The following AKAP9 variants were observed in gnomAD, a reference collection of about 807,000 sequenced individuals.
AKAP9 encodes the protein A-kinase anchoring protein 9, also known as A-kinase anchor protein 9.
A neutral mutation model predicts 488.5 loss-of-function variants in AKAP9; 311 were observed. That is an observed-to-expected ratio of 0.64 (90% confidence interval 0.58 to 0.70). AKAP9 has a LOEUF of 0.70. AKAP9 is among the 30% of genes least tolerant of loss of function. The probability of loss-of-function intolerance (pLI) is 0.00; values close to 1 mark genes in which losing one functional copy is unlikely to be tolerated. For synonymous variants in AKAP9, 1,462 were observed against 1,483.5 expected (o/e 0.99, Z 0.33); for missense variants, 4,215 against 4,374.5 (o/e 0.96, Z 1.03).
intron 40 of AKAP9, 119 bp downstream of exon 40, chr7:92,095,292 T>C: frequency 8.9e-7 from 1 of 1,118,498 alleles, no homozygotes; most frequent in African/African-American, 1.6e-5. Flanking sequence ...GGTAAGTTGT[T>C]CACTGTGCAT....
chr7:92,012,584 C>A lies in AKAP9; in HGVS notation c.3474C>A (p.Ile1158=). ...TTATTTTTGCTCAAGAGGAAAAGATCAAGGAACTTCAGAAAATACACCAGT... is the reference window on the plus strand; with the variant it reads ...TTATTTTTGCTCAAGAGGAAAAGATAAAGGAACTTCAGAAAATACACCAGT... The part of the protein sequence containing the change: ...EELIFAQEEK[I]KELQKIHQLE... Residue 1158 remains isoleucine, a synonymous_variant, in exon 9 of 50, where the codon ATC becomes ATA. Coordinates refer to ENST00000356239, the MANE Select transcript of AKAP9 (RefSeq NM_005751.5). 6.2e-7 allele frequency: 1 copy of A among 1,613,514 alleles called. No homozygotes were observed. The highest frequency in any genetic ancestry group is 1.1e-5 in the South Asian group (1 of 90,980).
rs372644409 is a variant in AKAP9 at position 92,069,733 on chromosome 7, GAC to G, written c.6331-296_6331-295del. 1.8e-4 allele frequency among the ~76,000 whole-genome samples: 27 copies of G among 152,206 alleles called. No homozygotes were observed. The East Asian group carries it at 5.0e-3, about 28-fold the overall frequency. ...CAGTGCTTAAAAAGTTTCAGATTTT[GAC>G]CTGGGCTTGTTGGTGTGCATCTGTA... On this transcript the variant is annotated intron_variant, in intron 26 of 49. Transcript: ENST00000356239.
chr7:91,971,183 C>T (rs1795028023), intron 1 of AKAP9, among the ~76,000 whole-genome samples: 2 of 151,954 alleles, frequency 1.3e-5, no homozygotes, highest in Admixed American at 6.5e-5. Context: ...TTCATTCTTT[C>T]CTTTTCTCCT....
intron 21 of AKAP9, 138 bp downstream of exon 21, chr7:92,045,351 G>T (rs1806792212): frequency 1.2e-6 from 1 of 807,054 alleles, no homozygotes; most frequent in South Asian, 1.5e-5. Flanking sequence ...ATACATTAGA[G>T]CAACTCTTTT....
At chr7:92,026,657 T>G (rs1803206835) in intron 14 of AKAP9, among the ~76,000 whole-genome samples, 1 of 152,080 alleles carries the variant, frequency 6.6e-6, no homozygotes. Flanking sequence ...CAGGCTGGAG[T>G]GCGTGGCGTG....
In AKAP9 at chr7:92,108,485, A is replaced by G; in HGVS notation, c.11547-9A>G. The G allele has an allele frequency of 6.2e-7, 1 of 1,613,764 alleles. No individual in the cohort carries two copies. ...AACTTGATTCATGTACATATTTTTAATCCTTTAGGTACCCAGGCACTCCAG... is the reference window on the plus strand; with the variant it reads ...AACTTGATTCATGTACATATTTTTAGTCCTTTAGGTACCCAGGCACTCCAG... On this transcript the variant is annotated splice_polypyrimidine_tract_variant and intron_variant, in intron 48 of 49. Coordinates refer to ENST00000356239, the MANE Select transcript of AKAP9 (RefSeq NM_005751.5).
intron 1 of AKAP9, among the ~76,000 whole-genome samples, chr7:91,959,326 G>A (rs1793434032): frequency 6.6e-6 from 1 of 151,894 alleles, no homozygotes. Flanking sequence ...ATCTCACTCT[G>A]TTGCCCAGGC....
At chr7:91,954,823 A>G (rs1211558744) in intron 1 of AKAP9, among the ~76,000 whole-genome samples, 4 of 152,202 alleles carry the variant, frequency 2.6e-5, no homozygotes, top group Non-Finnish European at 4.4e-5. Flanking sequence ...ACCCACTAAC[A>G]TAGCCACTTT....
chr7:92,085,870 G>C (rs1010374109), intron 36 of AKAP9, among the ~76,000 whole-genome samples, 184 bp downstream of exon 36: 2 of 152,020 alleles, frequency 1.3e-5, no homozygotes, highest in Non-Finnish European at 2.9e-5. Context: ...TTGGGAGGCC[G>C]AGGTGGGTGG....
chr7:92,047,148 C>A (rs1297906445), intron 21 of AKAP9, among the ~76,000 whole-genome samples: 1 of 152,160 alleles, frequency 6.6e-6, no homozygotes, highest in Non-Finnish European at 1.5e-5. Context: ...TATTTTCTTG[C>A]ATAAGTGTAT....
intron 6 of AKAP9, among the ~76,000 whole-genome samples, chr7:91,995,356 A>G (rs1798259850): frequency 6.6e-6 from 1 of 152,188 alleles, no homozygotes; most frequent in Admixed American, 6.5e-5. Context: ...ACTGTCTTTG[A>G]TGCCCCACTT....
At chr7:92,052,575 A>G (rs1808166325) in intron 21 of AKAP9, 151 bp from the exon 22 acceptor site, 1 of 572,658 alleles carries the variant, frequency 1.7e-6, no homozygotes, top group East Asian at 3.0e-5. Flanking sequence ...ATTATATCCT[A>G]TATTTGCATA....
intron 1 of AKAP9, among the ~76,000 whole-genome samples, chr7:91,950,329 A>G (rs1562883558): frequency 1.3e-5 from 2 of 148,728 alleles, no homozygotes; most frequent in South Asian, 2.1e-4. Flanking sequence ...TCCCGGGTTC[A>G]CGCCATTCTC....
chr7:91,946,555 G>A (rs1043604819), intron 1 of AKAP9, among the ~76,000 whole-genome samples: 6 of 152,014 alleles, frequency 3.9e-5, no homozygotes, highest in African/African-American at 1.4e-4. Flanking sequence ...AAATTTTTTT[G>A]TAGAGATGGG....
intron 10 of AKAP9, 111 bp from the exon 11 acceptor site, chr7:92,016,018 T>C (rs1801464342): frequency 2.5e-6 from 2 of 815,380 alleles, no homozygotes; most frequent in East Asian, 5.3e-5. Context: ...TTTTCTTAAT[T>C]ATTTTTGTGT....
intron 3 of AKAP9, among the ~76,000 whole-genome samples, chr7:91,981,108 T>C (rs1796358227): frequency 6.6e-6 from 1 of 152,202 alleles, no homozygotes; most frequent in South Asian, 2.1e-4. Context: ...TTACTAGTAA[T>C]CTGGCCAGGA....
chr7:92,015,993 G>A, intron 10 of AKAP9, 136 bp from the exon 11 acceptor site: 1 of 653,718 alleles, frequency 1.5e-6, no homozygotes, highest in South Asian at 1.8e-5. Context: ...GATTGATAAG[G>A]GTATGGAGAG....
chr7:92,070,527 C>T (rs532872078), intron 27 of AKAP9, among the ~76,000 whole-genome samples: 2 of 152,084 alleles, frequency 1.3e-5, no homozygotes, highest in African/African-American at 4.8e-5. Context: ...CTCCACCTCC[C>T]GAGTTCAAGC....
At chr7:91,982,466 T>C (rs1364149651) in intron 3 of AKAP9, among the ~76,000 whole-genome samples, 2 of 152,124 alleles carry the variant, frequency 1.3e-5, no homozygotes, top group Non-Finnish European at 2.9e-5. Context: ...ATTGTGATAG[T>C]TTGCTCAGAA....
Sources: allele counts gnomAD v4.1 joint callset (sites outside exome capture counted in the v4.1 genomes callset), GRCh38; gene constraint gnomAD v4.1.1; transcripts MANE v1.5; gene names NCBI Gene and HGNC (gene_info 2026-07-23, HGNC 2026-07-21).